PTDSS1: variants seen among roughly 807,000 people sequenced by gnomAD.
The protein encoded by PTDSS1 is phosphatidylserine synthase 1.
A neutral mutation model predicts 70.5 loss-of-function variants in PTDSS1; 45 were observed. The observed-to-expected ratio is 0.64, with a 90% confidence interval of 0.50 to 0.82. The LOEUF is 0.82. Ranked by LOEUF, PTDSS1 falls within the 40% of genes least tolerant of loss-of-function variation. The pLI is 0.00. For missense variants in PTDSS1, 417 were observed against 586.1 expected (o/e 0.71, Z 2.98); for synonymous variants, 188 against 203.8 (o/e 0.92, Z 0.66).
Position 96,293,397 on chromosome 8 carries a change from C to T in PTDSS1, c.442-1701C>T, listed in dbSNP as rs530645083. On this transcript the variant is annotated intron_variant, in intron 4 of 12. Coordinates refer to ENST00000517309, the MANE Select transcript of PTDSS1 (RefSeq NM_014754.3). Reference sequence around the variant, plus strand: ...ATCAGCCTAGGACCAGTTGGGAAGTCAGCAGAATCTGTCTTTACCCATCTT... The same window carrying T: ...ATCAGCCTAGGACCAGTTGGGAAGTTAGCAGAATCTGTCTTTACCCATCTT... 1.8e-3 allele frequency among the ~76,000 whole-genome samples: 277 copies of T among 152,346 alleles called. 3 individuals are homozygous for T. The highest frequency in any genetic ancestry group is 6.3e-3 in the African/African-American group (260 of 41,590).
chr8:96,317,308 C>T (rs1479284927), intron 9 of PTDSS1, among the ~76,000 whole-genome samples: 1 of 151,974 alleles, frequency 6.6e-6, no homozygotes, highest in Non-Finnish European at 1.5e-5. Context: ...CATAGCCGGC[C>T]CCCTCACCTC....
At chr8:96,309,511 C>A in intron 8 of PTDSS1, 46 bp from the exon 9 acceptor site, 1 of 1,555,010 alleles carries the variant, frequency 6.4e-7, no homozygotes, top group Non-Finnish European at 8.9e-7. Flanking sequence ...TGCTGACTTG[C>A]TGGTCTTCCA....
intron 9 of PTDSS1, among the ~76,000 whole-genome samples, chr8:96,316,979 G>A (rs1811298537): frequency 2.6e-5 from 4 of 152,092 alleles, no homozygotes; most frequent in Admixed American, 2.0e-4. Flanking sequence ...GGGTGACAGA[G>A]TGAGACTCCG....
In PTDSS1 at chr8:96,334,662, T is replaced by C. The variant is rs573365564; in HGVS notation, c.*1096T>C. On this transcript the variant is annotated 3_prime_UTR_variant, in exon 13 of 13. Transcript: ENST00000517309. ...TAGGATAATATATATGTGTTTTACATAGTGAGAAGAAAAAAGAAAAGATGT... is the reference window on the plus strand; with the variant it reads ...TAGGATAATATATATGTGTTTTACACAGTGAGAAGAAAAAAGAAAAGATGT... 6.6e-6 allele frequency: 1 copy of C among 152,664 alleles called. No individual in the cohort carries two copies. The highest frequency in any genetic ancestry group is 2.1e-4 in the South Asian group (1 of 4,832). 9.5% of individuals were successfully genotyped at this position (152,664 alleles called of 1,614,324 possible).
intron 2 of PTDSS1, among the ~76,000 whole-genome samples, chr8:96,282,056 A>G (rs1280605245): frequency 6.6e-6 from 1 of 152,248 alleles, no homozygotes; most frequent in African/African-American, 2.4e-5. Context: ...CAAGCCAAAT[A>G]ATAGGTCATA....
chr8:96,293,841 T>A (rs1291957551), intron 4 of PTDSS1, among the ~76,000 whole-genome samples: 1 of 152,090 alleles, frequency 6.6e-6, no homozygotes, highest in African/African-American at 2.4e-5. Flanking sequence ...GTGGGGTGGT[T>A]GAGACATTTG....
intron 10 of PTDSS1, among the ~76,000 whole-genome samples, chr8:96,322,697 C>A (rs1490968380): frequency 6.6e-6 from 1 of 152,164 alleles, no homozygotes; most frequent in Non-Finnish European, 1.5e-5. Context: ...ATACGAAATA[C>A]ATTCATTTCA....
chr8:96,333,384 G>A, intron 12 of PTDSS1, 73 bp from the exon 13 acceptor site: 1 of 1,355,286 alleles, frequency 7.4e-7, no homozygotes, highest in Non-Finnish European at 1.1e-6. Flanking sequence ...GGCAAGCCTA[G>A]GGCGGTCTGG....
At chr8:96,303,990 TC>T in intron 6 of PTDSS1, 49 bp from the exon 7 acceptor site, 1 of 1,546,660 alleles carries the variant, frequency 6.5e-7, no homozygotes, top group South Asian at 1.2e-5. Flanking sequence ...TGCTTTGTTT[TC>T]CCCCTGCCTT....
At chr8:96,282,340 C>T (rs989319012) in intron 2 of PTDSS1, among the ~76,000 whole-genome samples, 8 of 152,132 alleles carry the variant, frequency 5.3e-5, no homozygotes, top group South Asian at 2.1e-4. Flanking sequence ...CATTACCTGG[C>T]GGGGGATCCT....
intron 9 of PTDSS1, among the ~76,000 whole-genome samples, chr8:96,312,170 C>T (rs1158283866): frequency 6.6e-6 from 1 of 152,218 alleles, no homozygotes; most frequent in Non-Finnish European, 1.5e-5. Flanking sequence ...CAAAGGTAAA[C>T]TCCACTATGG....
chr8:96,275,349 T>TG (rs746782939), intron 2 of PTDSS1, among the ~76,000 whole-genome samples: 3 of 152,170 alleles, frequency 2.0e-5, no homozygotes, highest in Non-Finnish European at 4.4e-5. Context: ...TAGATAGAGA[T>TG]GGGGTCTCAC....
At position 96,304,182 on chromosome 8, in the gene PTDSS1, G is replaced by A; in HGVS notation, c.894+1G>A. ...GTACCTTTTCATGATCATCTGGCAG[G>A]TATTTTTTCAGATGCCCAGAAGTTG... On this transcript the variant is annotated splice_donor_variant, in intron 7 of 12. Transcript: ENST00000517309. LOFTEE classifies it high-confidence loss of function. The A allele has an allele frequency of 6.3e-7, 1 of 1,593,218 alleles. No individual in the cohort carries two copies. The highest frequency in any genetic ancestry group is 8.5e-7 in the Non-Finnish European group (1 of 1,174,526).
intron 3 of PTDSS1, among the ~76,000 whole-genome samples, chr8:96,284,488 C>T (rs1185683598): frequency 2.0e-5 from 3 of 152,122 alleles, no homozygotes; most frequent in African/African-American, 7.2e-5. Flanking sequence ...AGCCCAAGAA[C>T]TTATGATGAG....
rs895959214 is a variant in PTDSS1, at chr8:96,334,171, T to A, written c.*605T>A. On this transcript the variant is annotated 3_prime_UTR_variant, in exon 13 of 13. Coordinates refer to ENST00000517309, the MANE Select transcript of PTDSS1 (RefSeq NM_014754.3). ...AAGGGAGAGAGGTGTTGTATTCCTGTTTGGTAACCTCAGTCTCCTGTAAGA... is the reference window on the plus strand; with the variant it reads ...AAGGGAGAGAGGTGTTGTATTCCTGATTGGTAACCTCAGTCTCCTGTAAGA... 1.5e-5 allele frequency: 3 copies of A among 205,388 alleles called. No individual in the cohort carries two copies. The highest frequency in any genetic ancestry group is 7.0e-5 in the African/African-American group (3 of 43,122). 12.7% of individuals were successfully genotyped at this position (205,388 alleles called of 1,614,324 possible).
chr8:96,305,426 C>A (rs1489450454), intron 7 of PTDSS1, among the ~76,000 whole-genome samples: 1 of 152,218 alleles, frequency 6.6e-6, no homozygotes, highest in African/African-American at 2.4e-5. Context: ...ATAATCTCCA[C>A]CCCTTGTTTG....
chr8:96,271,646 A>C (rs977444592), intron 1 of PTDSS1, among the ~76,000 whole-genome samples: 5 of 152,198 alleles, frequency 3.3e-5, no homozygotes, highest in Non-Finnish European at 5.9e-5. Context: ...AAGGTGATTT[A>C]TTTATACTGC....
chr8:96,300,337 C>T (rs2130096593), intron 6 of PTDSS1, among the ~76,000 whole-genome samples: 2 of 152,276 alleles, frequency 1.3e-5, no homozygotes, highest in East Asian at 3.9e-4. Context: ...TCTCTACACC[C>T]TCCCAGGCAA....
At chr8:96,292,500 C>CAGA (rs1364446320) in intron 4 of PTDSS1, among the ~76,000 whole-genome samples, 1 of 151,872 alleles carries the variant, frequency 6.6e-6, no homozygotes, top group Non-Finnish European at 1.5e-5. Flanking sequence ...GAGCTGGGAC[C>CAGA]AGATCATGAG....
Sources: gnomAD v4.1 joint callset for allele counts (sites outside exome capture counted in the v4.1 genomes callset) on GRCh38, gnomAD v4.1.1 for gene constraint, MANE v1.5 for transcripts, NCBI Gene and HGNC (gene_info 2026-07-23, HGNC 2026-07-21) for gene names.